Variants in LSAMP observed in about 807,000 individuals in gnomAD.
LSAMP encodes limbic system-associated membrane protein.
In LSAMP, 7 loss-of-function variants were observed where a neutral mutation model predicts 38.6. The ratio of observed to expected loss-of-function variants is 0.18; its 90% CI spans 0.10 to 0.34. The LOEUF (loss-of-function observed/expected upper bound fraction) is 0.34. LSAMP is among the 10% of genes least tolerant of loss of function. The probability of loss-of-function intolerance (pLI) is 1.00; values close to 1 mark genes in which losing one functional copy is unlikely to be tolerated. For synonymous variants in LSAMP, 154 were observed against 166.8 expected, an observed-to-expected ratio of 0.92 and a Z score of 0.59; for missense variants, 313 against 420.0, an observed-to-expected ratio of 0.75 and a Z score of 2.23.
At chr3:116,143,226 A>T (rs907649571) in intron 1 of LSAMP, among the ~76,000 whole-genome samples, 4 of 151,914 alleles carry the variant, frequency 2.6e-5, no homozygotes, top group Middle Eastern at 3.4e-3. Context: ...AAAAATGATT[A>T]AAAAAATTTT....
intron 3 of LSAMP, among the ~76,000 whole-genome samples, chr3:115,923,908 T>C (rs768495796): frequency 5.9e-5 from 9 of 152,216 alleles, no homozygotes; most frequent in African/African-American, 1.9e-4. Flanking sequence ...TTTATCATTA[T>C]GTGTCTCCAA....
At chr3:116,216,481 G>A (rs1324691589) in intron 1 of LSAMP, among the ~76,000 whole-genome samples, 2 of 151,856 alleles carry the variant, frequency 1.3e-5, no homozygotes, top group African/African-American at 4.8e-5. Context: ...ACTCTTACAT[G>A]TAAAATGTAA....
chr3:116,411,920 A>G (rs2048985012), intron 1 of LSAMP, among the ~76,000 whole-genome samples: 1 of 151,886 alleles, frequency 6.6e-6, no homozygotes, highest in Non-Finnish European at 1.5e-5. Flanking sequence ...AAAAAGGATA[A>G]GTTTGACCCC....
chr3:115,920,368 CCT>C (rs1352621761), intron 3 of LSAMP, among the ~76,000 whole-genome samples: 2 of 151,532 alleles, frequency 1.3e-5, no homozygotes, highest in Non-Finnish European at 1.5e-5. Context: ...TCTATTTTTT[CCT>C]CTCTCTCTCT....
At chr3:115,890,309 C>T (rs1320205797) in intron 3 of LSAMP, among the ~76,000 whole-genome samples, 2 of 151,874 alleles carry the variant, frequency 1.3e-5, no homozygotes, top group Admixed American at 6.6e-5. Context: ...AGTGACCTAA[C>T]AGATAGTCAT....
chr3:116,181,801 C>G (rs1710491483), intron 1 of LSAMP, among the ~76,000 whole-genome samples: 1 of 151,912 alleles, frequency 6.6e-6, no homozygotes, highest in African/African-American at 2.4e-5. Flanking sequence ...GATGTCTACG[C>G]ATCTGATTTC....
chr3:116,369,274 A>G lies in LSAMP; in HGVS notation c.155+75603T>C, dbSNP rs147728767. Among the ~76,000 whole-genome samples the G allele has an allele frequency of 4.3e-3, 659 of 152,340 alleles. 6 individuals are homozygous for G. Among genetic ancestry groups the G allele is most frequent in the African/African-American group, 0.015 (625 of 41,580 alleles). ...GTTGAGGCAGACAGATGCAGCAAAC[A>G]GTTTTAATAGAAGGCTGAATGTGAT... On this transcript the variant is annotated intron_variant, in intron 1 of 6. Coordinates refer to ENST00000490035, the MANE Select transcript of LSAMP (RefSeq NM_002338.5).
chr3:115,879,143 A>G (rs529268845), intron 3 of LSAMP, among the ~76,000 whole-genome samples: 1 of 152,262 alleles, frequency 6.6e-6, no homozygotes, highest in Admixed American at 6.5e-5. Context: ...ACAGAGGACA[A>G]ATTTTATGAT....
intron 1 of LSAMP, among the ~76,000 whole-genome samples, chr3:116,411,004 G>GT (rs2048967869): frequency 1.3e-5 from 2 of 152,018 alleles, no homozygotes; most frequent in African/African-American, 4.8e-5. Context: ...AAATTTAATC[G>GT]TAACAGTATT....
chr3:116,344,609 C>A (rs896423143), intron 1 of LSAMP, among the ~76,000 whole-genome samples: 1 of 152,080 alleles, frequency 6.6e-6, no homozygotes, highest in South Asian at 2.1e-4. Flanking sequence ...GGTGCCAACA[C>A]GTAAAAATCA....
At chr3:116,104,112 C>T (rs1559743784) in intron 1 of LSAMP, among the ~76,000 whole-genome samples, 1 of 152,184 alleles carries the variant, frequency 6.6e-6, no homozygotes, top group African/African-American at 2.4e-5. Flanking sequence ...ACAGGGCCTC[C>T]GTGGCCCACC....
intron 1 of LSAMP, among the ~76,000 whole-genome samples, chr3:116,184,001 G>A (rs1212907609): frequency 6.6e-6 from 1 of 151,650 alleles, no homozygotes; most frequent in South Asian, 2.1e-4. Context: ...TTTTGAACAG[G>A]AGGAAAAAAC....
chr3:115,884,699 C>T (rs1324359901), intron 3 of LSAMP, among the ~76,000 whole-genome samples: 1 of 151,910 alleles, frequency 6.6e-6, no homozygotes, highest in Non-Finnish European at 1.5e-5. Flanking sequence ...CAAATACGAG[C>T]AGAAGTCATC....
rs36091181 is a variant in LSAMP, at chr3:116,023,439, TA to T, written c.389-3800del. On this transcript the variant is annotated intron_variant, in intron 2 of 6. Transcript: ENST00000490035. ...GAAACCCCATCTCTACTAAAAATAC[TA>T]AAAAAAAAAAAAAAATTAGCTGGGC... 3.4e-3 allele frequency among the ~76,000 whole-genome samples: 459 copies of T among 133,716 alleles called. 1 individual carries two copies. The highest frequency in any genetic ancestry group is 3.2e-3 in the South Asian group (13 of 4,076). 87.7% of individuals were successfully genotyped at this position (133,716 alleles called of 152,430 possible).
intron 6 of LSAMP, among the ~76,000 whole-genome samples, chr3:115,826,330 T>G (rs1305294390): frequency 6.6e-6 from 1 of 152,108 alleles, no homozygotes; most frequent in Non-Finnish European, 1.5e-5. Flanking sequence ...TTAGCCAGGA[T>G]GGTCTCAACC....
At chr3:116,312,307 G>A (rs1285837363) in intron 1 of LSAMP, among the ~76,000 whole-genome samples, 1 of 152,140 alleles carries the variant, frequency 6.6e-6, no homozygotes, top group Non-Finnish European at 1.5e-5. Context: ...CCTTAGAAAT[G>A]TTGGCTCAGC....
At chr3:115,942,108 A>C (rs922879561) in intron 3 of LSAMP, among the ~76,000 whole-genome samples, 11 of 152,176 alleles carry the variant, frequency 7.2e-5, no homozygotes, top group African/African-American at 2.7e-4. Flanking sequence ...GGGAATCAGT[A>C]ATCTGGCTAG....
intron 3 of LSAMP, among the ~76,000 whole-genome samples, chr3:115,950,260 A>T (rs150679299): frequency 6.6e-6 from 1 of 152,274 alleles, no homozygotes; most frequent in East Asian, 1.9e-4. Context: ...AAAGAAATAA[A>T]GGGCACCCAA....
intron 1 of LSAMP, among the ~76,000 whole-genome samples, chr3:116,260,653 A>G (rs1456606845): frequency 1.3e-5 from 2 of 152,058 alleles, no homozygotes; most frequent in Non-Finnish European, 2.9e-5. Flanking sequence ...GTTGAGGGAG[A>G]GCTAGGATAG....
Sources: gnomAD v4.1 joint callset for allele counts (sites outside exome capture counted in the v4.1 genomes callset) on GRCh38, gnomAD v4.1.1 for gene constraint, MANE v1.5 for transcripts, NCBI Gene and HGNC (gene_info 2026-07-23, HGNC 2026-07-21) for gene names.